The following CDH1 variants were observed in gnomAD, a reference collection of about 807,000 sequenced individuals.
CDH1 encodes cadherin 1.
CDH1 carries 35 observed loss-of-function variants against 84.5 expected under a neutral mutation model. That is an observed-to-expected ratio of 0.41 (90% CI 0.32 to 0.55). The LOEUF (loss-of-function observed/expected upper bound fraction) is 0.55. Ranked by LOEUF, CDH1 falls within the 20% of genes least tolerant of loss-of-function variation. The pLI is 0.19. For missense variants in CDH1, 994 were observed against 1,126.6 expected (o/e 0.88, Z 1.68); for synonymous variants, 417 against 439.0 (o/e 0.95, Z 0.63).
chr16:68,784,552 A>G (rs1959987782), intron 2 of CDH1, among the ~76,000 whole-genome samples: 1 of 151,964 alleles, frequency 6.6e-6, no homozygotes, highest in African/African-American at 2.4e-5. Context: ...TATGTGAACA[A>G]GTTCTTTAGT....
At chr16:68,793,921 ACT>A (rs958978864) in intron 2 of CDH1, among the ~76,000 whole-genome samples, 3 of 129,650 alleles carry the variant, frequency 2.3e-5, no homozygotes, top group Admixed American at 8.4e-5. Flanking sequence ...ACAGAGCAAG[ACT>A]CTGTCTCAAA....
chr16:68,789,522 T>G (rs1960154494), intron 2 of CDH1, among the ~76,000 whole-genome samples: 1 of 152,052 alleles, frequency 6.6e-6, no homozygotes, highest in East Asian at 1.9e-4. Context: ...GCTCATCTTT[T>G]TTTTTTTTTT....
intron 3 of CDH1, among the ~76,000 whole-genome samples, chr16:68,805,853 A>G (rs11863754): frequency 0.023 from 3,429 of 152,300 alleles, 137 homozygotes; most frequent in African/African-American, 0.079. Flanking sequence ...CAGCCTCCCA[A>G]AGGAAAAAGC....
At chr16:68,753,411 A>G (rs557675185) in intron 2 of CDH1, among the ~76,000 whole-genome samples, 32 of 149,132 alleles carry the variant, frequency 2.1e-4, no homozygotes, top group Non-Finnish European at 3.5e-4. Flanking sequence ...CAGTGGTGCA[A>G]TCTTGGCTCA....
intron 2 of CDH1, among the ~76,000 whole-genome samples, chr16:68,787,683 G>A (rs1269682515): frequency 6.6e-6 from 1 of 151,868 alleles, no homozygotes; most frequent in East Asian, 1.9e-4. Flanking sequence ...TTTGGAGATA[G>A]AGTCTTGCTT....
intron 1 of CDH1, 65 bp downstream of exon 1, chr16:68,737,528 C>CCCCAGCCCTGA: frequency 3.1e-5 from 7 of 226,498 alleles, no homozygotes; most frequent in Non-Finnish European, 4.0e-5. Context: ...CCCAGCCCTG[C>CCCCAGCCCTGA]GCCCCTTCCT....
intron 2 of CDH1, among the ~76,000 whole-genome samples, chr16:68,757,215 A>C (rs1415713069): frequency 6.6e-6 from 1 of 151,852 alleles, no homozygotes; most frequent in African/African-American, 2.4e-5. Flanking sequence ...CAGCCTCCCG[A>C]GTAGCTGGGA....
At chr16:68,780,395 G>T (rs2152121884) in intron 2 of CDH1, among the ~76,000 whole-genome samples, 1 of 152,204 alleles carries the variant, frequency 6.6e-6, no homozygotes, top group African/African-American at 2.4e-5. Context: ...TGTACCTCCT[G>T]GGTTCAAGTG....
At chr16:68,796,294 A>G (rs1030890005) in intron 2 of CDH1, among the ~76,000 whole-genome samples, 3 of 152,206 alleles carry the variant, frequency 2.0e-5, no homozygotes, top group Non-Finnish European at 4.4e-5. Context: ...ACTGCTTCCA[A>G]CTAGTTACGT....
Position 68,737,381 on chromosome 16 carries a change from C to A in CDH1, c.-35C>A. The stretch of plus-strand genomic sequence containing the variant: ...CAGCCCGGCCCGACCCGACCGCACC[C>A]GGCGCCTGCCCTCGCTCGGCGTCCC... On this transcript the variant is annotated 5_prime_UTR_variant, in exon 1 of 16. Coordinates refer to ENST00000261769, the MANE Select transcript of CDH1 (RefSeq NM_004360.5). 1.3e-6 allele frequency: 2 copies of A among 1,526,606 alleles called. No homozygotes were observed. Among genetic ancestry groups the A allele is most frequent in the Non-Finnish European group, 1.8e-6 (2 of 1,142,036 alleles). The allele number at this position is 1,526,606 out of a possible 1,614,324, so 94.6% of individuals were successfully genotyped here.
At chr16:68,794,270 G>A (rs33965787) in intron 2 of CDH1, among the ~76,000 whole-genome samples, 40,618 of 151,770 alleles carry the variant, frequency 0.27, 5,605 homozygotes, top group Middle Eastern at 0.33. Flanking sequence ...CAAACTCCTG[G>A]ACACAAGCAG....
intron 2 of CDH1, among the ~76,000 whole-genome samples, chr16:68,762,337 T>G (rs2152119421): frequency 6.6e-6 from 1 of 152,308 alleles, no homozygotes; most frequent in Non-Finnish European, 1.5e-5. Flanking sequence ...CCTGGGTTCC[T>G]TTATGCTCCC....
intron 5 of CDH1, 72 bp from the exon 6 acceptor site, chr16:68,810,125 C>A (rs183943559): frequency 6.4e-7 from 1 of 1,567,046 alleles, no homozygotes; most frequent in Non-Finnish European, 8.8e-7. Context: ...GCGCACTCTG[C>A]TCTGGCTGGG....
At chr16:68,823,232 T>C (rs1294405791) in intron 12 of CDH1, 167 bp from the exon 13 acceptor site, 7 of 618,136 alleles carry the variant, frequency 1.1e-5, no homozygotes, top group Admixed American at 2.9e-5. Context: ...TAAAGCTTTT[T>C]ACAGCAAAAA....
intron 2 of CDH1, among the ~76,000 whole-genome samples, chr16:68,757,166 G>A (rs1047730227): frequency 6.6e-6 from 1 of 152,160 alleles, no homozygotes; most frequent in Admixed American, 6.5e-5. Context: ...TCAGCTCACT[G>A]CAACCTCCAC....
At position 68,813,518 on chromosome 16, in the gene CDH1, T is replaced by C. The variant is rs781319271; in HGVS notation, c.1320+23T>C. On this transcript the variant is annotated intron_variant, in intron 9 of 15. Transcript: ENST00000261769. ...AAGGTTTGTATGGTACCTGGCAAGA[T>C]GCAGAAACTGGCATCCTCACAGCTG... 4.3e-5 allele frequency: 70 copies of C among 1,611,052 alleles called. No homozygotes were observed. In the East Asian group the frequency reaches 1.5e-3, roughly 34 times the overall value.
At chr16:68,767,127 G>A (rs769054505) in intron 2 of CDH1, among the ~76,000 whole-genome samples, 6 of 151,906 alleles carry the variant, frequency 3.9e-5, no homozygotes, top group Non-Finnish European at 5.9e-5. Flanking sequence ...TTTTAGGGTC[G>A]TTTTATTTTC....
At chr16:68,804,102 CTTTTTTTTTTTTTTTT>C (rs10563852) in intron 3 of CDH1, among the ~76,000 whole-genome samples, 3 of 75,070 alleles carry the variant, frequency 4.0e-5, no homozygotes, top group African/African-American at 9.8e-5. Context: ...ATCTGTCTGC[CTTTTTTTTTTTTTTTT>C]TTTTTTTTTT....
chr16:68,795,303 C>T (rs887917027), intron 2 of CDH1, among the ~76,000 whole-genome samples: 2 of 152,060 alleles, frequency 1.3e-5, no homozygotes, highest in Non-Finnish European at 2.9e-5. Flanking sequence ...GGCTGTCTCC[C>T]CAGGATTCCT....
Sources: gnomAD v4.1 joint callset for allele counts (sites outside exome capture counted in the v4.1 genomes callset) on GRCh38, gnomAD v4.1.1 for gene constraint, MANE v1.5 for transcripts, NCBI Gene and HGNC (gene_info 2026-07-23, HGNC 2026-07-21) for gene names.